The following OR51B5 variants were observed in gnomAD, a reference collection of about 807,000 sequenced individuals.
OR51B5 encodes the protein olfactory receptor 51B5.
For missense variants in OR51B5, 456 were observed against 374.6 expected (o/e 1.22, Z -1.79); for synonymous variants, 186 against 144.8 (o/e 1.28, Z -2.04).
intron 1 of OR51B5, chr11:5,468,836 G>A (rs1057460976): frequency 2.3e-6 from 1 of 443,710 alleles, no homozygotes. Context: ...GCTGTTGATG[G>A]TAGTGTCTCC....
intron 1 of OR51B5, chr11:5,453,487 C>A: frequency 6.5e-7 from 1 of 1,531,416 alleles, no homozygotes. Context: ...GTTTGTTTTG[C>A]TATGGGGTTG....
intron 1 of OR51B5, among the ~76,000 whole-genome samples, chr11:5,394,440 T>A (rs779982499): frequency 6.6e-6 from 1 of 152,202 alleles, no homozygotes; most frequent in Non-Finnish European, 1.5e-5. Flanking sequence ...TTCCTGCTAA[T>A]GACAGTATCT....
chr11:5,473,594 C>G (rs904454659), intron 1 of OR51B5, among the ~76,000 whole-genome samples: 3 of 152,102 alleles, frequency 2.0e-5, no homozygotes, highest in Non-Finnish European at 2.9e-5. Context: ...ACACAGTTAG[C>G]TCATTTAGTT....
In OR51B5 at chr11:5,389,777, C is replaced by T; in HGVS notation, n.85-42867G>A. On this transcript the variant is annotated intron_variant and non_coding_transcript_variant, in intron 1 of 4. Transcript: ENST00000415970. ...TTTTTCCTTCATGGAGTCCTCAGTG[C>T]TCCTCATGATGTCCTTTGACCGCCT... The T allele has an allele frequency of 6.2e-7, 1 of 1,613,972 alleles. No homozygotes were observed. The highest frequency in any genetic ancestry group is 2.2e-5 in the East Asian group (1 of 44,878).
intron 1 of OR51B5, among the ~76,000 whole-genome samples, chr11:5,350,109 A>G (rs764514793): frequency 1.3e-4 from 20 of 152,178 alleles, no homozygotes; most frequent in Non-Finnish European, 2.5e-4. Context: ...CTCTGAAACA[A>G]TAACAAAAAC....
intron 1 of OR51B5, chr11:5,403,383 G>A (rs1850003869): frequency 2.1e-6 from 1 of 471,252 alleles, no homozygotes; most frequent in South Asian, 1.5e-5. Flanking sequence ...CTTGTCTATA[G>A]TGCACCGCCT....
At chr11:5,406,358 T>C (rs574430846) in intron 1 of OR51B5, among the ~76,000 whole-genome samples, 1 of 152,252 alleles carries the variant, frequency 6.6e-6, no homozygotes, top group East Asian at 1.9e-4. Flanking sequence ...ATCTTTATCC[T>C]GAAGTCCAGT....
At chr11:5,344,666 G>A (rs1022474233), upstream of OR51B5, among the ~76,000 whole-genome samples, 30 of 152,284 alleles carry the variant, frequency 2.0e-4, 7 homozygotes, top group Admixed American at 9.2e-4. Flanking sequence ...TCTAACATGT[G>A]ACTGATAAAC....
chr11:5,349,389 G>A (rs1038075014), intron 1 of OR51B5, among the ~76,000 whole-genome samples: 6 of 145,500 alleles, frequency 4.1e-5, no homozygotes, highest in Non-Finnish European at 7.6e-5. Context: ...TTCCCTATCT[G>A]GTATTCCTAC....
chr11:5,399,444 C>G (rs1186442349), intron 1 of OR51B5, among the ~76,000 whole-genome samples: 2 of 152,162 alleles, frequency 1.3e-5, no homozygotes, highest in South Asian at 4.1e-4. Context: ...GTATTAACAT[C>G]TTTATCTTTA....
chr11:5,441,595 C>T (rs1168924657), intron 1 of OR51B5: 1 of 1,042,990 alleles, frequency 9.6e-7, no homozygotes, highest in Non-Finnish European at 1.4e-6. Context: ...ATCCTGTCTC[C>T]AACAAAAGGT....
intron 1 of OR51B5, among the ~76,000 whole-genome samples, chr11:5,377,314 A>G (rs1385412212): frequency 2.0e-5 from 3 of 152,180 alleles, no homozygotes; most frequent in Non-Finnish European, 4.4e-5. Context: ...CATATCTCAA[A>G]ATAATAAGAG....
chr11:5,379,037 C>T (rs1849570744), intron 1 of OR51B5, among the ~76,000 whole-genome samples: 1 of 150,762 alleles, frequency 6.6e-6, no homozygotes, highest in East Asian at 1.9e-4. Flanking sequence ...GTACTATTCA[C>T]AATAGCAAAG....
intron 1 of OR51B5, among the ~76,000 whole-genome samples, chr11:5,382,020 A>C (rs1187568783): frequency 6.6e-6 from 1 of 152,224 alleles, no homozygotes; most frequent in Non-Finnish European, 1.5e-5. Flanking sequence ...TGCAGACTTT[A>C]AATCCTTCCT....
At chr11:5,400,509 T>A (rs1849952721) in intron 1 of OR51B5, among the ~76,000 whole-genome samples, 2 of 152,164 alleles carry the variant, frequency 1.3e-5, no homozygotes. Flanking sequence ...TTCTACTAAT[T>A]CTTAGGTCTT....
intron 1 of OR51B5, among the ~76,000 whole-genome samples, chr11:5,458,604 C>A (rs1408688253): frequency 2.0e-5 from 3 of 152,078 alleles, no homozygotes; most frequent in Non-Finnish European, 4.4e-5. Flanking sequence ...AATGTTTTCC[C>A]ATTTGTTTGT....
chr11:5,362,050 T>C (rs1438815673), intron 1 of OR51B5, among the ~76,000 whole-genome samples: 2 of 152,212 alleles, frequency 1.3e-5, no homozygotes, highest in Admixed American at 6.5e-5. Context: ...CACAATGCTT[T>C]AAATTGCTGC....
chr11:5,472,645 G>A (rs1047118784), intron 1 of OR51B5, among the ~76,000 whole-genome samples: 13 of 152,224 alleles, frequency 8.5e-5, no homozygotes, highest in Non-Finnish European at 1.9e-4. Flanking sequence ...CCACTTAGAA[G>A]TTTCAAAGGA....
intron 1 of OR51B5, among the ~76,000 whole-genome samples, chr11:5,437,676 A>C (rs1296911522): frequency 5.3e-5 from 8 of 152,198 alleles, no homozygotes; most frequent in Admixed American, 5.2e-4. Context: ...TTCAAATGAG[A>C]AGAAGGAAGT....
Sources: gnomAD v4.1 joint callset for allele counts (sites outside exome capture counted in the v4.1 genomes callset) on GRCh38, gnomAD v4.1.1 for gene constraint, MANE v1.5 for transcripts, NCBI Gene and HGNC (gene_info 2026-07-23, HGNC 2026-07-21) for gene names.